CELF2: variants seen among roughly 807,000 people sequenced by gnomAD.
CELF2 encodes CUGBP Elav-like family member 2.
Under a neutral mutation model 62.6 loss-of-function variants are expected in CELF2, and 8 were observed. The ratio of observed to expected loss-of-function variants is 0.13; its 90% CI spans 0.07 to 0.23. The LOEUF is 0.23. Ranked by LOEUF, CELF2 falls within the 10% of genes least tolerant of loss-of-function variation. The pLI is 1.00. For missense variants in CELF2, 333 were observed against 671.0 expected (o/e 0.50, Z 5.56); for synonymous variants, 258 against 250.0 (o/e 1.03, Z -0.30).
Position 10,934,356 on chromosome 10 carries a change from C to T in CELF2, c.89+14357C>T, listed in dbSNP as rs1206443995. ...GTGCTCACCTTTCTATCCTCAACAC[C>T]TAGCATAGTGCCTCCAGCACACAAC... On this transcript the variant is annotated intron_variant, in intron 2 of 13. Coordinates refer to the CELF2 transcript ENST00000636488. The surrounding 1 kb of genome is among the most constrained non-coding windows in gnomAD (Gnocchi z 4.4). 6.6e-6 allele frequency among the ~76,000 whole-genome samples: 1 copy of T among 152,178 alleles called. No individual in the cohort carries two copies. The highest frequency in any genetic ancestry group is 2.4e-5 in the African/African-American group (1 of 41,442).
chr10:10,611,887 T>A, the CELF2 span, among the ~76,000 whole-genome samples: 1 of 152,212 alleles, frequency 6.6e-6, no homozygotes, highest in Middle Eastern at 3.2e-3. Context: ...GGGTCCTTTA[T>A]TACTAGGGAG....
chr10:11,274,813 AAG>A (rs1260106176), intron 7 of CELF2, among the ~76,000 whole-genome samples: 5 of 149,904 alleles, frequency 3.3e-5, no homozygotes, highest in African/African-American at 1.2e-4. Flanking sequence ...GGTTGTTAAA[AAG>A]AGTAAATTGA....
At position 11,318,386 on chromosome 10, in the gene CELF2, TC is replaced by T. The variant is rs2095202628; in HGVS notation, c.1097-2798del. The T allele has an allele frequency of 8.5e-6, 2 of 235,864 alleles. No individual in the cohort carries two copies. The highest frequency in any genetic ancestry group is 4.6e-5 in the African/African-American group (2 of 43,350). 14.6% of individuals were successfully genotyped at this position (235,864 alleles called of 1,614,324 possible). On this transcript the variant is annotated intron_variant, in intron 10 of 12. Transcript: ENST00000633077. This position sits in a 1 kb window ranked among gnomAD's most constrained non-coding sequence, Gnocchi z 5.4. ...AACCCTCCCCGTGTCCCCTGACTGG[TC>T]CCCCTTGAGCATCTGCATCCCTTGC...
the CELF2 span, among the ~76,000 whole-genome samples, chr10:10,752,688 C>CAAAAAAAAAAAAAAAAAAA: frequency 1.7e-5 from 1 of 58,978 alleles, no homozygotes; most frequent in Non-Finnish European, 3.2e-5. Flanking sequence ...GACTCCGTCT[C>CAAAAAAAAAAAAAAAAAAA]AAAAAAAAAA....
At chr10:10,841,157 G>A (rs1014689067) in intron 1 of CELF2, among the ~76,000 whole-genome samples, 1 of 152,140 alleles carries the variant, frequency 6.6e-6, no homozygotes, top group Admixed American at 6.5e-5. Flanking sequence ...ACATACGTGT[G>A]CATGTGTCTT....
chr10:10,903,861 T>C (rs186045404), intron 1 of CELF2, among the ~76,000 whole-genome samples: 8 of 152,102 alleles, frequency 5.3e-5, no homozygotes, highest in African/African-American at 1.9e-4. Flanking sequence ...AAGCAGTCAT[T>C]GGGGAGGCCA....
chr10:11,027,549 C>G (rs774708922), intron 1 of CELF2, among the ~76,000 whole-genome samples: 6 of 150,566 alleles, frequency 4.0e-5, no homozygotes, highest in Non-Finnish European at 8.9e-5. Context: ...TGAGGAAATA[C>G]TTTTTCTTAC....
chr10:10,924,277 G>A (rs1287213060), intron 2 of CELF2, among the ~76,000 whole-genome samples: 4 of 53,094 alleles, frequency 7.5e-5, no homozygotes, highest in Non-Finnish European at 1.3e-4. Flanking sequence ...GCGAGACTCC[G>A]TCCCAAAAAA....
rs1491311758 is a variant in CELF2, at chr10:11,331,283, A to ATAC, written c.*2230_*2231insTAC. ...AGTTTAGAATTGGTTTACTTAATAC[A>ATAC]AAAAAAAAAAAAAGAATTTCAAAAA... On this transcript the variant is annotated 3_prime_UTR_variant, in exon 13 of 13. Coordinates refer to ENST00000633077, the MANE Select transcript of CELF2 (RefSeq NM_001326342.2). The ATAC allele has an allele frequency of 2.4e-5, 3 of 126,784 alleles. No individual in the cohort carries two copies. Among genetic ancestry groups the ATAC allele is most frequent in the African/African-American group, 6.6e-5 (2 of 30,276 alleles). The allele number at this position is 126,784 out of a possible 1,614,324, so 7.9% of individuals were successfully genotyped here.
At position 11,242,286 on chromosome 10, in the gene CELF2, G is replaced by C. The variant is rs1313155157; in HGVS notation, c.355-6867G>C. Among the ~76,000 whole-genome samples, 1 of 152,184 alleles carries C rather than the reference G, an allele frequency of 6.6e-6. No individual in the cohort carries two copies. The highest frequency in any genetic ancestry group is 2.1e-4 in the South Asian group (1 of 4,828). ...TTAAAGGTGGTTAACTCATCAATTGGTGATGGCTGGGGTTCAACAAGTTCC... is the reference window on the plus strand; with the variant it reads ...TTAAAGGTGGTTAACTCATCAATTGCTGATGGCTGGGGTTCAACAAGTTCC... On this transcript the variant is annotated intron_variant, in intron 3 of 12. Transcript: ENST00000633077. This position sits in a 1 kb window ranked among gnomAD's most constrained non-coding sequence, Gnocchi z 4.8.
chr10:10,856,112 G>T (rs541098986), intron 1 of CELF2, among the ~76,000 whole-genome samples: 1 of 152,170 alleles, frequency 6.6e-6, no homozygotes, highest in Non-Finnish European at 1.5e-5. Context: ...GTGAGCCAGA[G>T]CTTCTACTCC....
rs974770998 is a variant in CELF2 at position 11,011,465 on chromosome 10, A to T, written c.53+6025A>T. Reference sequence around the variant, plus strand: ...ACACCCTGAATTCATCTTTATTATTAAAAAAAAAAAAAACGCAAAATACAA... The same window carrying T: ...ACACCCTGAATTCATCTTTATTATTTAAAAAAAAAAAAACGCAAAATACAA... On this transcript the variant is annotated intron_variant, in intron 1 of 12. Transcript: ENST00000416382. This position sits in a 1 kb window ranked among gnomAD's most constrained non-coding sequence, Gnocchi z 4.6. Among the ~76,000 whole-genome samples, 31 of 123,760 alleles carry T rather than the reference A, an allele frequency of 2.5e-4. No individual in the cohort carries two copies. Among genetic ancestry groups the T allele is most frequent in the South Asian group, 7.1e-4 (3 of 4,242 alleles). 81.2% of individuals were successfully genotyped at this position (123,760 alleles called of 152,430 possible). A position where few individuals can be genotyped will look rare whatever the true frequency, so the allele number is the denominator to read the frequency against.
At chr10:10,840,853 C>T (rs557688003) in intron 1 of CELF2, among the ~76,000 whole-genome samples, 62 of 152,158 alleles carry the variant, frequency 4.1e-4, no homozygotes, top group African/African-American at 1.4e-3. Context: ...TCCCCCACCC[C>T]CTAACAGGCC....
chr10:11,256,035 A>G (rs929963714), intron 4 of CELF2, among the ~76,000 whole-genome samples: 2 of 152,138 alleles, frequency 1.3e-5, no homozygotes, highest in African/African-American at 4.8e-5. Context: ...GACCTTGGGA[A>G]ATCTTTTGGA....
At chr10:10,798,268 G>C (rs895993977), upstream of CELF2, 13 of 152,542 alleles carry the variant, frequency 8.5e-5, no homozygotes, top group African/African-American at 3.1e-4. Flanking sequence ...CACGAAAAAA[G>C]GAGGAAAGAA....
At chr10:11,171,639 A>G (rs1016853179) in intron 2 of CELF2, among the ~76,000 whole-genome samples, 1 of 152,222 alleles carries the variant, frequency 6.6e-6, no homozygotes, top group Non-Finnish European at 1.5e-5. Context: ...GCCATGGTAG[A>G]GTGAGGGTAG....
Position 11,011,402 on chromosome 10 carries a change from T to A in CELF2, c.53+5962T>A, listed in dbSNP as rs1018988046. Among the ~76,000 whole-genome samples the A allele has an allele frequency of 6.6e-6, 1 of 150,450 alleles. No individual in the cohort carries two copies. Among genetic ancestry groups the A allele is most frequent in the African/African-American group, 2.5e-5 (1 of 40,746 alleles). On this transcript the variant is annotated intron_variant, in intron 1 of 12. Coordinates refer to the CELF2 transcript ENST00000416382. This position sits in a 1 kb window ranked among gnomAD's most constrained non-coding sequence, Gnocchi z 4.6. ...AGCTGGGCCCTGAAGGATGGGCAGA[T>A]GGAGGTGGGTGAGGGGGAGAGGGAA...
At position 10,976,842 on chromosome 10, in the gene CELF2, A is replaced by T. The variant is rs1373036065; in HGVS notation, c.89+56843A>T. Among the ~76,000 whole-genome samples the T allele has an allele frequency of 3.9e-5, 6 of 152,240 alleles. No individual in the cohort carries two copies. The South Asian group carries it at 8.3e-4, about 21-fold the overall frequency. ...CTAACTCAAAATGCCGCTCACTTGC[A>T]CCACTGGGCATCTCTCTTGTCCCCT... On this transcript the variant is annotated intron_variant, in intron 2 of 13. Transcript: ENST00000636488.
Position 11,075,983 on chromosome 10 carries a change from CT to C in CELF2, c.74+57826del, listed in dbSNP as rs781145881. ...TATTGAAAAATGATATATCAGCATA[CT>C]TTTTTAGTGTGAGAAAATACCAATT... On this transcript the variant is annotated intron_variant, in intron 1 of 12. Transcript: ENST00000633077. This position sits in a 1 kb window ranked among gnomAD's most constrained non-coding sequence, Gnocchi z 5.4. Among the ~76,000 whole-genome samples, 2 of 151,932 alleles carry C rather than the reference CT, an allele frequency of 1.3e-5. No individual in the cohort carries two copies. The highest frequency in any genetic ancestry group is 2.4e-5 in the African/African-American group (1 of 41,356).
Sources: gnomAD v4.1 joint callset for allele counts (sites outside exome capture counted in the v4.1 genomes callset) on GRCh38, gnomAD v4.1.1 for gene constraint, Gnocchi (gnomAD v3.1) non-coding constraint, MANE v1.5 for transcripts, NCBI Gene and HGNC (gene_info 2026-07-23, HGNC 2026-07-21) for gene names.